Variants in C12orf42 observed in about 807,000 individuals in gnomAD.
The protein encoded by C12orf42 is chromosome 12 open reading frame 42, also known as uncharacterized protein C12orf42.
A neutral mutation model predicts 21.6 loss-of-function variants in C12orf42; 25 were observed. That is an observed-to-expected ratio of 1.16 (90% CI 0.84 to 1.62). C12orf42 has a LOEUF of 1.62. Among genes scored for constraint, C12orf42 ranks in the 40% most tolerant of loss-of-function variants. The probability of loss-of-function intolerance (pLI) is 0.00; values close to 1 mark genes in which losing one functional copy is unlikely to be tolerated. For missense variants in C12orf42, 483 were observed against 459.3 expected (o/e 1.05, Z -0.47); for synonymous variants, 174 against 175.0 (o/e 0.99, Z 0.05).
At chr12:103,449,763 G>A (rs1179328750) in intron 2 of C12orf42, among the ~76,000 whole-genome samples, 2 of 146,402 alleles carry the variant, frequency 1.4e-5, no homozygotes, top group African/African-American at 5.1e-5. Context: ...CTGACTTTTT[G>A]TTCTCCCATC....
At chr12:103,265,024 T>C (rs2035094008), downstream of C12orf42, among the ~76,000 whole-genome samples, 1 of 152,114 alleles carries the variant, frequency 6.6e-6, no homozygotes, top group South Asian at 2.1e-4. Flanking sequence ...GTGTCTGATA[T>C]CAAAATGCCA....
chr12:103,230,607 G>T, the C12orf42 span, among the ~76,000 whole-genome samples: 4 of 152,152 alleles, frequency 2.6e-5, no homozygotes, highest in Non-Finnish European at 5.9e-5. Context: ...TGCCACATTT[G>T]ACAAGGCCTC....
intron 4 of C12orf42, among the ~76,000 whole-genome samples, chr12:103,331,502 CTT>C (rs2041235928): frequency 6.6e-6 from 1 of 152,156 alleles, no homozygotes; most frequent in South Asian, 2.1e-4. Context: ...AGGTTCTGCT[CTT>C]GTTGACTTTA....
At chr12:103,360,226 C>A (rs1199084610) in intron 4 of C12orf42, among the ~76,000 whole-genome samples, 3 of 151,394 alleles carry the variant, frequency 2.0e-5, no homozygotes, top group Non-Finnish European at 4.4e-5. Context: ...CATTGCCTAG[C>A]AACCAACCTA....
In C12orf42 at chr12:103,419,319, T is replaced by A. The variant is rs77095576; in HGVS notation, c.79-17644A>T. ...ATCATGTTTTAAGCAAAGGTGTAAA[T>A]TTTTAAGCCAAGATACGTTTTATAC... is the stretch of plus-strand genomic sequence containing the variant. On this transcript the variant is annotated intron_variant, in intron 2 of 5. Transcript: ENST00000548883. 1.0e-2 allele frequency among the ~76,000 whole-genome samples: 1,522 copies of A among 152,288 alleles called. 135 individuals are homozygous for A. The East Asian group carries it at 0.2, about 20-fold the overall frequency.
At chr12:103,512,498 A>G in the C12orf42 span, among the ~76,000 whole-genome samples, 1 of 152,232 alleles carries the variant, frequency 6.6e-6, no homozygotes. Context: ...AATGATATCT[A>G]CTCAATGTGA....
intron 2 of C12orf42, among the ~76,000 whole-genome samples, chr12:103,436,045 C>T (rs570314100): frequency 1.4e-4 from 21 of 152,006 alleles, no homozygotes; most frequent in South Asian, 4.2e-4. Context: ...AGACTAACAG[C>T]GGATCTCTCG....
chr12:103,259,932 T>C (rs2034808540), intron 10 of C12orf42, among the ~76,000 whole-genome samples: 1 of 152,188 alleles, frequency 6.6e-6, no homozygotes, highest in East Asian at 1.9e-4. Context: ...TAAATAACTT[T>C]ATCCAAGGTT....
the C12orf42 span, among the ~76,000 whole-genome samples, chr12:103,070,861 C>T: frequency 3.9e-5 from 6 of 151,932 alleles, no homozygotes; most frequent in Non-Finnish European, 7.4e-5. Flanking sequence ...GTGATTGTCA[C>T]GACACTGAAA....
At chr12:103,432,376 C>A (rs1037814328) in intron 2 of C12orf42, among the ~76,000 whole-genome samples, 1 of 152,160 alleles carries the variant, frequency 6.6e-6, no homozygotes, top group Non-Finnish European at 1.5e-5. Context: ...ACCACCTGAC[C>A]ATCAACTGAT....
chr12:103,069,913 T>A, the C12orf42 span, among the ~76,000 whole-genome samples: 1 of 152,204 alleles, frequency 6.6e-6, no homozygotes, highest in Admixed American at 6.6e-5. Context: ...TAGGGACTTA[T>A]CAGACTCAAG....
At chr12:103,423,892 G>A (rs1258398467) in intron 2 of C12orf42, among the ~76,000 whole-genome samples, 1 of 152,166 alleles carries the variant, frequency 6.6e-6, no homozygotes, top group African/African-American at 2.4e-5. Context: ...TAGTTCTACT[G>A]AAATTTATAA....
chr12:103,415,415 G>A (rs2049226312), intron 2 of C12orf42, among the ~76,000 whole-genome samples: 1 of 152,018 alleles, frequency 6.6e-6, no homozygotes, highest in Non-Finnish European at 1.5e-5. Flanking sequence ...CTCAACAATT[G>A]ACTAACGATT....
At chr12:103,115,268 G>A in the C12orf42 span, among the ~76,000 whole-genome samples, 28 of 152,062 alleles carry the variant, frequency 1.8e-4, no homozygotes, top group African/African-American at 5.3e-4. Context: ...TTTTTATTGC[G>A]ACCATAAAAT....
the C12orf42 span, among the ~76,000 whole-genome samples, chr12:103,229,114 CTCT>C: frequency 1.6e-3 from 247 of 152,304 alleles, 7 homozygotes; most frequent in South Asian, 0.041. Context: ...AGCAGATACC[CTCT>C]TCTTCTTTCT....
chr12:103,299,820 A>C (rs1016919441), downstream of C12orf42, among the ~76,000 whole-genome samples: 3 of 152,210 alleles, frequency 2.0e-5, no homozygotes, highest in Admixed American at 6.5e-5. Context: ...AGAAGCTGTC[A>C]TTCCAAAGGA....
the C12orf42 span, among the ~76,000 whole-genome samples, chr12:103,087,469 G>C: frequency 6.6e-6 from 1 of 152,116 alleles, no homozygotes; most frequent in African/African-American, 2.4e-5. Flanking sequence ...CTGTTTTGAG[G>C]GGCAAGTTCA....
the C12orf42 span, among the ~76,000 whole-genome samples, chr12:103,217,689 T>C: frequency 6.6e-6 from 1 of 152,180 alleles, no homozygotes; most frequent in African/African-American, 2.4e-5. Flanking sequence ...TTGCCACTAC[T>C]TACAGAACTC....
intron 4 of C12orf42, among the ~76,000 whole-genome samples, chr12:103,350,330 G>A (rs753710031): frequency 4.6e-5 from 7 of 152,140 alleles, no homozygotes; most frequent in Non-Finnish European, 8.8e-5. Context: ...CCTTTGTCCA[G>A]TGTATCCATG....
Sources: allele counts gnomAD v4.1 joint callset (sites outside exome capture counted in the v4.1 genomes callset), GRCh38; gene constraint gnomAD v4.1.1; transcripts MANE v1.5; gene names NCBI Gene and HGNC (gene_info 2026-07-23, HGNC 2026-07-21).